The following PCDHGB1 variants were observed in gnomAD, a reference collection of about 807,000 sequenced individuals.
PCDHGB1 encodes protocadherin gamma subfamily B, 1, also known as protocadherin gamma-B1.
A neutral mutation model predicts 56.6 loss-of-function variants in PCDHGB1; 34 were observed. That is an observed-to-expected ratio of 0.60 (90% CI 0.46 to 0.80). PCDHGB1 has a LOEUF of 0.80. Among genes scored for constraint, PCDHGB1 ranks in the 30% least tolerant of loss-of-function variants. The probability of loss-of-function intolerance (pLI) is 0.00; values close to 1 mark genes in which losing one functional copy is unlikely to be tolerated. For synonymous variants in PCDHGB1, 561 were observed against 505.9 expected (o/e 1.11, Z -1.46); for missense variants, 1,278 against 1,204.6 (o/e 1.06, Z -0.90).
chr5:141,376,525 T>C (rs1772783963), intron 1 of PCDHGB1: 1 of 1,613,730 alleles, frequency 6.2e-7, no homozygotes, highest in Non-Finnish European at 8.5e-7. Context: ...TCTTTCCGCC[T>C]AAGCGGGAAG....
chr5:141,352,388 C>T lies in PCDHGB1; in HGVS notation c.2128C>T (p.Arg710Cys), dbSNP rs1021854619. Residue 710 changes from arginine (R) to cysteine (C), a missense_variant, in exon 1 of 4, where the codon CGC becomes TGC. Physicochemically the swap from Arg to Cys is radical, Grantham distance 180 (BLOSUM62 -3). Transcript: ENST00000523390. ...LLAVILAIAL[R>C]LRRSSSLDTE... ...CGCGGTGATTCTAGCGATCGCCCTG[C>T]GCCTGCGACGTTCCTCCAGCCTCGA... 2 of 1,614,058 alleles carry T rather than the reference C, an allele frequency of 1.2e-6. No homozygotes were observed. The highest frequency in any genetic ancestry group is 1.7e-6 in the Non-Finnish European group (2 of 1,179,902).
rs1183407162 is a variant in PCDHGB1 at position 141,422,793 on chromosome 5, C to G, written c.2409+70124C>G. 3 of 1,614,110 alleles carry G rather than the reference C, an allele frequency of 1.9e-6. No individual in the cohort carries two copies. The South Asian group carries it at 3.3e-5, about 18-fold the overall frequency. On this transcript the variant is annotated intron_variant, in intron 1 of 3. Transcript: ENST00000523390. Reference sequence around the variant, plus strand: ...TTCTCTATGCCCTACAATCCTTCGACTATGAGCAGTTTCGAGACTTAGAAC... The same window carrying G: ...TTCTCTATGCCCTACAATCCTTCGAGTATGAGCAGTTTCGAGACTTAGAAC...
intron 1 of PCDHGB1, among the ~76,000 whole-genome samples, chr5:141,369,759 G>A (rs6873480): frequency 0.13 from 19,861 of 152,140 alleles, 1,700 homozygotes; most frequent in African/African-American, 0.25. Flanking sequence ...AAGAATACAC[G>A]TGAAGCTGAT....
intron 1 of PCDHGB1, among the ~76,000 whole-genome samples, chr5:141,469,207 G>T (rs2099193654): frequency 6.6e-6 from 1 of 151,820 alleles, no homozygotes; most frequent in African/African-American, 2.4e-5. Flanking sequence ...GCCTTTTGAA[G>T]TTGAGGCTTC....
intron 1 of PCDHGB1, chr5:141,366,917 A>G: frequency 9.1e-7 from 1 of 1,095,104 alleles, no homozygotes; most frequent in South Asian, 1.7e-5. Context: ...ATTTGTTTTC[A>G]AATTCTGTTT....
intron 2 of PCDHGB1, among the ~76,000 whole-genome samples, chr5:141,500,184 T>TTTTTTTTA (rs1554186429): frequency 7.8e-4 from 106 of 135,966 alleles, no homozygotes; most frequent in African/African-American, 2.4e-3. Context: ...TCATTTTTAT[T>TTTTTTTTA]TTTATTTATT....
chr5:141,470,768 G>T (rs2099239559), intron 1 of PCDHGB1, among the ~76,000 whole-genome samples: 1 of 152,142 alleles, frequency 6.6e-6, no homozygotes, highest in South Asian at 2.1e-4. Context: ...ACTCACTACA[G>T]TCTTGAATTC....
chr5:141,469,676 A>G (rs1227075639), intron 1 of PCDHGB1, among the ~76,000 whole-genome samples: 1 of 152,250 alleles, frequency 6.6e-6, no homozygotes, highest in African/African-American at 2.4e-5. Context: ...ATAAAACTAC[A>G]TATGCATTGG....
chr5:141,415,203 G>C (rs2095843560), intron 1 of PCDHGB1: 24 of 1,614,032 alleles, frequency 1.5e-5, no homozygotes, highest in Non-Finnish European at 2.0e-5. Flanking sequence ...CCCAAGTCCT[G>C]GCGGACCTCG....
At position 141,351,176 on chromosome 5, in the gene PCDHGB1, G is replaced by A. The variant is rs1758664342; in HGVS notation, c.916G>A (p.Glu306Lys). Residue 306 changes from glutamate to lysine, a missense_variant, in exon 1 of 4, where the codon GAA (glutamate) becomes AAA (lysine). Coordinates refer to ENST00000523390, the MANE Select transcript of PCDHGB1 (RefSeq NM_018922.3). ...DITTNGTLDFEETSRYVLSVE... is the reference protein window; with the variant it reads ...DITTNGTLDFKETSRYVLSVE... ...CACAACCAATGGCACATTGGATTTT[G>A]AAGAGACAAGTAGATATGTGTTGAG... is the stretch of plus-strand genomic sequence containing the variant. The A allele has an allele frequency of 6.2e-7, 1 of 1,613,934 alleles. No individual in the cohort carries two copies. The highest frequency in any genetic ancestry group is 8.5e-7 in the Non-Finnish European group (1 of 1,179,912).
In PCDHGB1 at chr5:141,383,840, T is replaced by C. The variant is rs190731749; in HGVS notation, c.2409+31171T>C. 1.9e-6 allele frequency: 3 copies of C among 1,613,952 alleles called. No homozygotes were observed. In the East Asian group the frequency reaches 6.7e-5, roughly 36 times the overall value. Reference sequence around the variant, plus strand: ...GGATTAGATTATGAAGAAACTGCCTTCTATGAAATGGAGGTTCAGGCTCAA... The same window carrying C: ...GGATTAGATTATGAAGAAACTGCCTCCTATGAAATGGAGGTTCAGGCTCAA... On this transcript the variant is annotated intron_variant, in intron 1 of 3. Transcript: ENST00000523390.
chr5:141,432,287 G>T lies in PCDHGB1; in HGVS notation c.2410-62520G>T. 1 of 1,614,216 alleles carries T rather than the reference G, an allele frequency of 6.2e-7. No individual in the cohort carries two copies. The highest frequency in any genetic ancestry group is 8.5e-7 in the Non-Finnish European group (1 of 1,180,030). On this transcript the variant is annotated intron_variant, in intron 1 of 3. Coordinates refer to ENST00000523390, the MANE Select transcript of PCDHGB1 (RefSeq NM_018922.3). This position sits in a 1 kb window ranked among gnomAD's most constrained non-coding sequence, Gnocchi z 6.0. ...ATCGTCCTACGTGTCCATCAACTCC[G>T]ACACTGGGGTACTGTATGCGCTGAG...
intron 2 of PCDHGB1, among the ~76,000 whole-genome samples, chr5:141,499,796 C>T (rs2099794539): frequency 6.6e-6 from 1 of 150,412 alleles, no homozygotes; most frequent in South Asian, 2.1e-4. Context: ...AAGCAATTCT[C>T]ATGCTTCAGC....
chr5:141,506,544 G>GT (rs2099854759), intron 3 of PCDHGB1, among the ~76,000 whole-genome samples: 1 of 151,880 alleles, frequency 6.6e-6, no homozygotes, highest in Non-Finnish European at 1.5e-5. Flanking sequence ...GAGTCCTTAG[G>GT]TAAGTTATTA....
intron 1 of PCDHGB1, chr5:141,391,260 A>G (rs2092328802): frequency 1.3e-5 from 2 of 152,128 alleles, no homozygotes; most frequent in African/African-American, 4.8e-5. Flanking sequence ...TGCTTCAGTT[A>G]ATGGCCACTT....
chr5:141,355,899 G>A (rs1312662516), intron 1 of PCDHGB1: 1 of 1,613,612 alleles, frequency 6.2e-7, no homozygotes, highest in Admixed American at 1.7e-5. Context: ...TAATACTTGT[G>A]GATACCAACG....
chr5:141,413,135 T>TGTCC (rs767378713), intron 1 of PCDHGB1: 1 of 1,545,632 alleles, frequency 6.5e-7, no homozygotes, highest in Non-Finnish European at 8.7e-7. Context: ...ACACACAACG[T>TGTCC]GTCCAGTGAG....
At chr5:141,356,677 G>T (rs759254327) in intron 1 of PCDHGB1, 2 of 1,613,980 alleles carry the variant, frequency 1.2e-6, no homozygotes, top group Non-Finnish European at 1.7e-6. Context: ...CTCCCTGGCC[G>T]AAGACACCTT....
chr5:141,403,324 T>G (rs769971532), intron 1 of PCDHGB1: 1 of 1,613,974 alleles, frequency 6.2e-7, no homozygotes, highest in East Asian at 2.2e-5. Context: ...TAGAAGTAAC[T>G]GATATTAACG....
Sources: allele counts gnomAD v4.1 joint callset (sites outside exome capture counted in the v4.1 genomes callset), GRCh38; gene constraint gnomAD v4.1.1; non-coding constraint Gnocchi (gnomAD v3.1); transcripts MANE v1.5; gene names NCBI Gene and HGNC (gene_info 2026-07-23, HGNC 2026-07-21).